The following RACGAP1 variants were observed in gnomAD, a reference collection of about 807,000 sequenced individuals.
RACGAP1 encodes the protein rac GTPase-activating protein 1.
In RACGAP1, 30 loss-of-function variants were observed where a neutral mutation model predicts 78.1. The ratio of observed to expected loss-of-function variants is 0.38; its 90% CI spans 0.29 to 0.52. The LOEUF (loss-of-function observed/expected upper bound fraction) is 0.52, where lower values mean the gene tolerates loss of function less well. Among genes scored for constraint, RACGAP1 ranks in the 20% least tolerant of loss-of-function variants. The pLI is 0.82. For missense variants in RACGAP1, 587 were observed against 777.1 expected, an observed-to-expected ratio of 0.76 and a Z score of 2.91; for synonymous variants, 231 against 264.8, an observed-to-expected ratio of 0.87 and a Z score of 1.24.
intron 1 of RACGAP1, chr12:50,017,072 A>AT: frequency 9.8e-7 from 1 of 1,023,054 alleles, no homozygotes; most frequent in Non-Finnish European, 1.2e-6. Flanking sequence ...TAATATAATA[A>AT]TTTTGCCAGT....
chr12:50,006,772 A>G, intron 2 of RACGAP1, 136 bp from the exon 3 acceptor site: 1 of 860,416 alleles, frequency 1.2e-6, no homozygotes, highest in Admixed American at 2.4e-5. Context: ...TCCAGCTGAA[A>G]ATAACTAGGA....
chr12:50,004,958 T>C (rs1433392442), intron 4 of RACGAP1, among the ~76,000 whole-genome samples: 1 of 152,242 alleles, frequency 6.6e-6, no homozygotes, highest in African/African-American at 2.4e-5. Flanking sequence ...AACTGCCACT[T>C]TCACCTTTGG....
At chr12:49,997,986 T>C (rs935665460) in intron 9 of RACGAP1, among the ~76,000 whole-genome samples, 4 of 152,282 alleles carry the variant, frequency 2.6e-5, no homozygotes, top group Admixed American at 2.0e-4. Flanking sequence ...AAATAGGTTT[T>C]GTTTTCTTCA....
chr12:49,992,411 T>C (rs1947954774), intron 13 of RACGAP1, 34 bp from the exon 14 acceptor site: 1 of 1,607,114 alleles, frequency 6.2e-7, no homozygotes, highest in Non-Finnish European at 8.5e-7. Context: ...GAAGTCTTGC[T>C]CCTTGCTTAA....
intron 9 of RACGAP1, 65 bp from the exon 10 acceptor site, chr12:49,997,269 T>A: frequency 7.9e-7 from 1 of 1,265,746 alleles, no homozygotes; most frequent in Non-Finnish European, 1.0e-6. Flanking sequence ...CATAATCAAC[T>A]AACTTTTTTT....
chr12:50,022,497 G>A (rs1262425462), intron 1 of RACGAP1, among the ~76,000 whole-genome samples: 1 of 152,054 alleles, frequency 6.6e-6, no homozygotes, highest in Non-Finnish European at 1.5e-5. Context: ...CAGGAGAATC[G>A]CTTGAACCCG....
At chr12:50,013,401 CCA>C (rs984274188) in intron 2 of RACGAP1, among the ~76,000 whole-genome samples, 5 of 152,202 alleles carry the variant, frequency 3.3e-5, no homozygotes, top group African/African-American at 1.2e-4. Flanking sequence ...CACTCTTAAA[CCA>C]CAGATTCTTC....
chr12:49,998,219 A>G (rs1201901322), intron 9 of RACGAP1, among the ~76,000 whole-genome samples: 8 of 152,022 alleles, frequency 5.3e-5, no homozygotes, highest in Non-Finnish European at 8.8e-5. Flanking sequence ...CCTGGCCAAC[A>G]TGGTGAAACC....
intron 1 of RACGAP1, among the ~76,000 whole-genome samples, chr12:50,020,009 T>C (rs927004470): frequency 7.2e-5 from 11 of 152,182 alleles, no homozygotes; most frequent in African/African-American, 1.4e-4. Context: ...ATCTAGGTGT[T>C]TTCCCCCCTA....
intron 6 of RACGAP1, 130 bp from the exon 7 acceptor site, chr12:50,001,382 G>T (rs1565673927): frequency 1.7e-6 from 1 of 585,434 alleles, no homozygotes; most frequent in Non-Finnish European, 3.0e-6. Flanking sequence ...CAAACAATGT[G>T]TTCTCTCTCT....
At chr12:50,013,176 T>G (rs1299063265) in intron 2 of RACGAP1, among the ~76,000 whole-genome samples, 4 of 152,202 alleles carry the variant, frequency 2.6e-5, no homozygotes, top group Admixed American at 1.3e-4. Flanking sequence ...GGTAAAAATT[T>G]GCTTATACAA....
At chr12:50,009,818 A>G (rs1237589606) in intron 2 of RACGAP1, among the ~76,000 whole-genome samples, 1 of 152,142 alleles carries the variant, frequency 6.6e-6, no homozygotes, top group African/African-American at 2.4e-5. Context: ...CAAGCTATGC[A>G]CTCCAAATGG....
At chr12:49,997,274 T>A in intron 9 of RACGAP1, 70 bp from the exon 10 acceptor site, 3 of 480,822 alleles carry the variant, frequency 6.2e-6, no homozygotes, top group African/African-American at 9.0e-5. Context: ...TCAACTAACT[T>A]TTTTTTTTTT....
intron 12 of RACGAP1, 113 bp from the exon 13 acceptor site, chr12:49,992,768 T>C: frequency 1.4e-6 from 1 of 700,812 alleles, no homozygotes; most frequent in Non-Finnish European, 2.4e-6. Flanking sequence ...AAACTCCTGA[T>C]TAGTTCATGA....
chr12:50,009,004 C>T (rs1193937543), intron 2 of RACGAP1, among the ~76,000 whole-genome samples: 1 of 151,972 alleles, frequency 6.6e-6, no homozygotes, highest in Non-Finnish European at 1.5e-5. Flanking sequence ...AGGCCGGGCA[C>T]GGTGGCTCAT....
chr12:50,005,767 A>G (rs11169247), intron 3 of RACGAP1, among the ~76,000 whole-genome samples: 31,184 of 152,180 alleles, frequency 0.2, 6,210 homozygotes, highest in African/African-American at 0.52. Flanking sequence ...CCCACCTCTC[A>G]AAGTAGTGGA....
In RACGAP1 at chr12:49,994,482, T is replaced by G. The variant is rs1429258120; in HGVS notation, c.1072A>C (p.Thr358Pro). 18 of 1,613,710 alleles carry G rather than the reference T, an allele frequency of 1.1e-5. No individual in the cohort carries two copies. The highest frequency in any genetic ancestry group is 1.4e-5 in the Non-Finnish European group (16 of 1,179,954). The change falls in exon 11 of 17, where the codon ACT (threonine) becomes CCT (proline). Residue 358 changes from threonine (T) to proline (P), a missense_variant. Thr to Pro is a conservative substitution (Grantham distance 38, BLOSUM62 -1). Coordinates refer to ENST00000312377, the MANE Select transcript of RACGAP1 (RefSeq NM_001319999.2). ...EGMLADFVSQ[T>P]SPMIPSIVVH... is the part of the protein sequence containing the mutation. ...ACAATGGAGGGGATCATTGGAGAAG[T>G]CTGGGACACAAAGTCTGCCAGCATT...
chr12:50,023,075 G>A (rs1159772329), intron 1 of RACGAP1, among the ~76,000 whole-genome samples: 1 of 152,114 alleles, frequency 6.6e-6, no homozygotes, highest in Non-Finnish European at 1.5e-5. Context: ...AGATTTTTGT[G>A]TTTTCTTCCC....
At position 49,997,662 on chromosome 12, in the gene RACGAP1, C is replaced by T. The variant is rs973455789; in HGVS notation, c.880-458G>A. ...GGTAGAGGTTGGCTCACTGCAACCTCCACCTCCCGGGTTCAAGCGATTCTC... is the reference window on the plus strand; with the variant it reads ...GGTAGAGGTTGGCTCACTGCAACCTTCACCTCCCGGGTTCAAGCGATTCTC... On this transcript the variant is annotated intron_variant, in intron 9 of 16. Transcript: ENST00000312377. 8.6e-5 allele frequency among the ~76,000 whole-genome samples: 13 copies of T among 152,016 alleles called. 1 individual carries two copies. The highest frequency in any genetic ancestry group is 1.6e-4 in the Non-Finnish European group (11 of 67,970).
Sources: gnomAD v4.1 joint callset for allele counts (sites outside exome capture counted in the v4.1 genomes callset) on GRCh38, gnomAD v4.1.1 for gene constraint, MANE v1.5 for transcripts, NCBI Gene and HGNC (gene_info 2026-07-23, HGNC 2026-07-21) for gene names.